ARHGEF10: variants seen among roughly 807,000 people sequenced by gnomAD.
ARHGEF10 encodes the protein Rho guanine nucleotide exchange factor 10, also known as Rho guanine nucleotide exchange factor (GEF) 10.
In ARHGEF10, 140 loss-of-function variants were observed where a neutral mutation model predicts 147.4. The observed-to-expected ratio is 0.95, with a 90% confidence interval of 0.83 to 1.09. ARHGEF10 has a LOEUF of 1.09. Ranked by LOEUF, ARHGEF10 falls within the 50% of genes least tolerant of loss-of-function variation. The pLI is 0.00. For synonymous variants in ARHGEF10, 902 were observed against 695.8 expected (o/e 1.30, Z -4.67); for missense variants, 2,222 against 1,752.7 (o/e 1.27, Z -4.78).
At chr8:1,857,862 G>T in intron 2 of ARHGEF10, 98 bp from the exon 3 acceptor site, 1 of 1,160,840 alleles carries the variant, frequency 8.6e-7, no homozygotes, top group Non-Finnish European at 1.3e-6. Flanking sequence ...AGTGTCTCTG[G>T]CTAACATAGA....
chr8:1,894,330 A>G (rs1344298572), intron 12 of ARHGEF10, 63 bp from the exon 13 acceptor site: 3 of 1,588,676 alleles, frequency 1.9e-6, no homozygotes, highest in African/African-American at 2.7e-5. Context: ...ACCCTGGACA[A>G]CAAAACAAGA....
chr8:1,869,134 T>G, intron 6 of ARHGEF10, 60 bp from the exon 7 acceptor site: 1 of 1,492,168 alleles, frequency 6.7e-7, no homozygotes, highest in Non-Finnish European at 9.4e-7. Flanking sequence ...CCCTGTAAAA[T>G]TTAAATTGCA....
chr8:1,866,677 TGA>T (rs1806650210), intron 6 of ARHGEF10, 75 bp downstream of exon 6: 6 of 1,340,460 alleles, frequency 4.5e-6, no homozygotes. Context: ...GCCGGGTCCC[TGA>T]GTCTCAGGTC....
At chr8:1,849,463 CACAG>C (rs1403008437) in intron 2 of ARHGEF10, among the ~76,000 whole-genome samples, 11 of 147,850 alleles carry the variant, frequency 7.4e-5, no homozygotes, top group South Asian at 4.3e-4. Context: ...GCCACATGGA[CACAG>C]ACAGCAAATG....
At chr8:1,830,319 C>T (rs1278479424) in intron 1 of ARHGEF10, among the ~76,000 whole-genome samples, 1 of 90,246 alleles carries the variant, frequency 1.1e-5, no homozygotes, top group Non-Finnish European at 2.4e-5. Context: ...CGCTTGACTC[C>T]TGGGCGTGGC....
In ARHGEF10 at chr8:1,957,122, C is replaced by T. The variant is rs370992345; in HGVS notation, c.3894C>T (p.Ala1298=). 2 of 1,612,952 alleles carry T rather than the reference C, an allele frequency of 1.2e-6. No homozygotes were observed. Among genetic ancestry groups the T allele is most frequent in the African/African-American group, 2.7e-5 (2 of 74,936 alleles). The change falls in exon 29 of 29, where the codon GCC becomes GCT. Residue 1298 remains alanine (A), a synonymous_variant. Coordinates refer to ENST00000349830, the MANE Select transcript of ARHGEF10 (RefSeq NM_014629.4). The stretch of plus-strand genomic sequence containing the variant: ...CGCTGAGAAGCAAAGCACGCCGGGC[C>T]AAGAAAGCCAAGGCCAGCTCGGCGC... The part of the protein sequence containing the change: ...PVSLRSKARR[A]KKAKASSALV...
intron 18 of ARHGEF10, among the ~76,000 whole-genome samples, chr8:1,921,493 C>T (rs1330124480): frequency 6.6e-5 from 10 of 152,168 alleles, no homozygotes; most frequent in African/African-American, 9.7e-5. Context: ...CTTGGGAGGC[C>T]GAGGCGGGTG....
intron 2 of ARHGEF10, among the ~76,000 whole-genome samples, chr8:1,851,586 T>TA (rs1805154637): frequency 6.6e-6 from 1 of 152,146 alleles, no homozygotes; most frequent in South Asian, 2.1e-4. Flanking sequence ...CCTGTGAACC[T>TA]AAAACTGCTC....
At chr8:1,929,521 C>T (rs1434720984) in intron 25 of ARHGEF10, 78 bp downstream of exon 25, 10 of 1,498,194 alleles carry the variant, frequency 6.7e-6, no homozygotes, top group Non-Finnish European at 3.6e-6. Context: ...AGCCTCCCCA[C>T]CTCCCCACCG....
intron 27 of ARHGEF10, among the ~76,000 whole-genome samples, chr8:1,949,867 G>A (rs982394707): frequency 4.6e-5 from 7 of 152,214 alleles, no homozygotes; most frequent in East Asian, 3.9e-4. Flanking sequence ...AGCAGAGGGC[G>A]AATCCCCCTG....
Position 1,824,059 on chromosome 8 carries a change from A to AGCGGGGGACG in ARHGEF10, c.-95_-86dup, listed in dbSNP as rs1802585927. The AGCGGGGGACG allele has an allele frequency of 1.4e-5, 1 of 70,274 alleles. No individual in the cohort carries two copies. Among genetic ancestry groups the AGCGGGGGACG allele is most frequent in the African/African-American group, 6.0e-5 (1 of 16,622 alleles). 4.4% of individuals were successfully genotyped at this position (70,274 alleles called of 1,614,324 possible). A position where few individuals can be genotyped will look rare whatever the true frequency, so the allele number is the denominator to read the frequency against. Reference sequence around the variant, plus strand: ...GGAACAGCGGGGGACGGCGGGGAACAGCGGGGGACGGCGGGGAACAGCAGG... The same window carrying AGCGGGGGACG: ...GGAACAGCGGGGGACGGCGGGGAACAGCGGGGGACGGCGGGGGACGGCGGGGAACAGCAGG... On this transcript the variant is annotated 5_prime_UTR_variant, in exon 1 of 29. Transcript: ENST00000349830.
chr8:1,872,631 C>T (rs1033856658), intron 7 of ARHGEF10, among the ~76,000 whole-genome samples: 3 of 152,202 alleles, frequency 2.0e-5, no homozygotes, highest in African/African-American at 7.2e-5. Context: ...ATGCTTATCT[C>T]AGCATGTGTT....
intron 27 of ARHGEF10, chr8:1,945,920 G>C (rs887228062): frequency 0.021 from 717 of 34,690 alleles, 1 homozygote; most frequent in Non-Finnish European, 0.037. Context: ...GAGCCGCGTG[G>C]CAGTGCCATC....
intron 7 of ARHGEF10, among the ~76,000 whole-genome samples, chr8:1,872,188 T>C (rs1417562939): frequency 1.3e-5 from 2 of 152,214 alleles, no homozygotes; most frequent in East Asian, 3.9e-4. Context: ...TAGATGAAAT[T>C]AAAAATTGCC....
intron 2 of ARHGEF10, among the ~76,000 whole-genome samples, chr8:1,853,047 G>T (rs542633281): frequency 6.6e-6 from 1 of 152,158 alleles, no homozygotes; most frequent in Admixed American, 6.5e-5. Context: ...TTAGATTTGG[G>T]CCGGGCGCTG....
At chr8:1,930,605 C>T (rs1275836267) in intron 25 of ARHGEF10, among the ~76,000 whole-genome samples, 3 of 152,186 alleles carry the variant, frequency 2.0e-5, no homozygotes, top group East Asian at 3.9e-4. Flanking sequence ...CAACCACCCC[C>T]GTTCTCTCTG....
chr8:1,866,846 T>A (rs13252399), intron 6 of ARHGEF10, among the ~76,000 whole-genome samples: 30,909 of 152,172 alleles, frequency 0.2, 3,409 homozygotes, highest in East Asian at 0.36. Flanking sequence ...GGTCGTTTCT[T>A]TCTAGCACAG....
At chr8:1,939,431 C>A (rs143396671) in intron 26 of ARHGEF10, among the ~76,000 whole-genome samples, 1 of 152,236 alleles carries the variant, frequency 6.6e-6, no homozygotes, top group African/African-American at 2.4e-5. Flanking sequence ...GGGCTGCCAG[C>A]GTGAGTGAGG....
At chr8:1,838,571 C>A (rs543208851) in intron 1 of ARHGEF10, among the ~76,000 whole-genome samples, 4 of 152,266 alleles carry the variant, frequency 2.6e-5, no homozygotes, top group Non-Finnish European at 5.9e-5. Flanking sequence ...CAAAGAGCCA[C>A]GCACTCTTCA....
Sources: gnomAD v4.1 joint callset for allele counts (sites outside exome capture counted in the v4.1 genomes callset) on GRCh38, gnomAD v4.1.1 for gene constraint, MANE v1.5 for transcripts, NCBI Gene and HGNC (gene_info 2026-07-23, HGNC 2026-07-21) for gene names.